UHMK1: variants seen among roughly 807,000 people sequenced by gnomAD.
UHMK1 encodes the protein serine/threonine-protein kinase Kist.
A neutral mutation model predicts 44.0 loss-of-function variants in UHMK1; 18 were observed. The ratio of observed to expected loss-of-function variants is 0.41; its 90% CI spans 0.28 to 0.61. UHMK1 has a LOEUF of 0.61. UHMK1 is among the 20% of genes least tolerant of loss of function. The pLI, the probability that UHMK1 is intolerant of heterozygous loss-of-function variation, is 0.31. For missense variants in UHMK1, 463 were observed against 522.5 expected (o/e 0.89, Z 1.11); for synonymous variants, 231 against 198.5 (o/e 1.16, Z -1.38).
At chr1:162,505,368 T>G (rs553968000) in intron 4 of UHMK1, among the ~76,000 whole-genome samples, 1 of 152,272 alleles carries the variant, frequency 6.6e-6, no homozygotes, top group Non-Finnish European at 1.5e-5. Context: ...GAGACTATTT[T>G]ACAGTCAACT....
chr1:162,519,765 G>T (rs1181789840), intron 7 of UHMK1, among the ~76,000 whole-genome samples: 1 of 152,104 alleles, frequency 6.6e-6, no homozygotes, highest in Non-Finnish European at 1.5e-5. Flanking sequence ...TTTTGTTGGA[G>T]TAGCTGTCCT....
rs1652258718 is a variant in UHMK1 at position 162,526,536 on chromosome 1, T to C, written c.*3986T>C. On this transcript the variant is annotated 3_prime_UTR_variant, in exon 8 of 8. Transcript: ENST00000489294. The stretch of plus-strand genomic sequence containing the variant: ...TGTGTTTGCTGGAAAATATTAAAAC[T>C]CATTTGGGTGAAAGCTTCCCAGATG... 1 of 152,124 alleles carries C rather than the reference T, an allele frequency of 6.6e-6. No individual in the cohort carries two copies. Among genetic ancestry groups the C allele is most frequent in the South Asian group, 2.1e-4 (1 of 4,832 alleles). 9.4% of individuals were successfully genotyped at this position (152,124 alleles called of 1,614,324 possible). A position where few individuals can be genotyped will look rare whatever the true frequency, so the allele number is the denominator to read the frequency against.
intron 4 of UHMK1, among the ~76,000 whole-genome samples, chr1:162,505,583 G>A (rs1404076747): frequency 6.6e-6 from 1 of 152,204 alleles, no homozygotes; most frequent in Non-Finnish European, 1.5e-5. Flanking sequence ...TAGCTACGAT[G>A]TCGCTAGGCG....
chr1:162,516,459 G>A (rs1198148389), intron 6 of UHMK1, among the ~76,000 whole-genome samples: 1 of 152,098 alleles, frequency 6.6e-6, no homozygotes, highest in Non-Finnish European at 1.5e-5. Flanking sequence ...AAAAGAAAGG[G>A]ATGAGGGAAG....
Position 162,514,247 on chromosome 1 carries a change from C to T in UHMK1, c.1024+1424C>T, listed in dbSNP as rs547211506. Among the ~76,000 whole-genome samples the T allele has an allele frequency of 2.6e-5, 4 of 151,524 alleles. No homozygotes were observed. The South Asian group carries it at 8.3e-4, about 32-fold the overall frequency. Reference sequence around the variant, plus strand: ...GAGGTTGCAGTGACCCGAGATTGCACCACTGCACTCCAGCCTGGGCAACAG... The same window carrying T: ...GAGGTTGCAGTGACCCGAGATTGCATCACTGCACTCCAGCCTGGGCAACAG... On this transcript the variant is annotated intron_variant, in intron 6 of 7. Transcript: ENST00000489294.
chr1:162,516,963 A>G (rs1446046035), intron 6 of UHMK1, among the ~76,000 whole-genome samples: 2 of 152,228 alleles, frequency 1.3e-5, no homozygotes, highest in East Asian at 1.9e-4. Flanking sequence ...ATTTATGTCA[A>G]TTTTGACCCA....
rs2101666212 is a variant in UHMK1 at position 162,498,060 on chromosome 1, G to A, written c.60G>A (p.Gly20=). 1.9e-6 allele frequency: 3 copies of A among 1,605,276 alleles called. 1 individual carries two copies. In the South Asian group the frequency reaches 3.3e-5, roughly 18 times the overall value. The change falls in exon 1 of 8, where the codon GGG becomes GGA. Residue 20 remains glycine, a synonymous_variant. Coordinates refer to ENST00000489294, the MANE Select transcript of UHMK1 (RefSeq NM_175866.5). ...CGCCGCGTTTTCTGGAGGCCTTCGG[G>A]CGGCTGTGGCAGGTACAGAGCCGTC... ...AEPPRFLEAF[G]RLWQVQSRLG...
Position 162,512,827 on chromosome 1 carries a change from A to G in UHMK1, c.1024+4A>G. 1 of 1,612,640 alleles carries G rather than the reference A, an allele frequency of 6.2e-7. No homozygotes were observed. Among genetic ancestry groups the G allele is most frequent in the Non-Finnish European group, 8.5e-7 (1 of 1,178,778 alleles). ...GAGAATGAAGAGGAATATGAAGGTT[A>G]GTGTTTTCTAAATTATATTTTAATG... On this transcript the variant is annotated splice_donor_region_variant and intron_variant, in intron 6 of 7. Coordinates refer to ENST00000489294, the MANE Select transcript of UHMK1 (RefSeq NM_175866.5).
At position 162,528,846 on chromosome 1, in the gene UHMK1, A is replaced by G. The variant is rs535418015; in HGVS notation, c.*6296A>G. 4.6e-5 allele frequency: 7 copies of G among 152,086 alleles called. No homozygotes were observed. Among genetic ancestry groups the G allele is most frequent in the African/African-American group, 1.7e-4 (7 of 41,526 alleles). 9.4% of individuals were successfully genotyped at this position (152,086 alleles called of 1,614,324 possible). On this transcript the variant is annotated 3_prime_UTR_variant, in exon 8 of 8. Transcript: ENST00000489294. ...TCAAAACTGGGGTAGAAGGGATTTT[A>G]TTTTTTCCCAAAAGGGTTCCATCTT...
chr1:162,511,771 C>G (rs10800578), intron 4 of UHMK1, among the ~76,000 whole-genome samples: 69,411 of 151,924 alleles, frequency 0.46, 15,890 homozygotes, highest in East Asian at 0.47. Context: ...TTGTGTAGGT[C>G]AGAGATAAGG....
chr1:162,498,593 T>C (rs947657233), intron 1 of UHMK1, among the ~76,000 whole-genome samples: 2 of 152,232 alleles, frequency 1.3e-5, no homozygotes, highest in Non-Finnish European at 2.9e-5. Context: ...TGTCGTGTCT[T>C]GTGTGGAAAT....
At chr1:162,519,187 A>G (rs1343739947) in intron 7 of UHMK1, among the ~76,000 whole-genome samples, 1 of 151,910 alleles carries the variant, frequency 6.6e-6, no homozygotes, top group African/African-American at 2.4e-5. Flanking sequence ...ATGTGGTGGC[A>G]GGTGCCTATA....
chr1:162,516,488 A>G (rs1651839244), intron 6 of UHMK1, among the ~76,000 whole-genome samples: 1 of 152,220 alleles, frequency 6.6e-6, no homozygotes, highest in African/African-American at 2.4e-5. Flanking sequence ...GCAGGTAGGA[A>G]GGAGATACTT....
At position 162,522,403 on chromosome 1, in the gene UHMK1, G is replaced by A. The variant is rs1652090013; in HGVS notation, c.1114-1G>A. 3 of 1,613,952 alleles carry A rather than the reference G, an allele frequency of 1.9e-6. No homozygotes were observed. The highest frequency in any genetic ancestry group is 2.5e-6 in the Non-Finnish European group (3 of 1,179,968). ...ATGTTTTTTTCTCTGTCTTCTTTCA[G>A]GTCTTTGTTGAGTATGCAAATGCTG... On this transcript the variant is annotated splice_acceptor_variant, in intron 7 of 7. Coordinates refer to ENST00000489294, the MANE Select transcript of UHMK1 (RefSeq NM_175866.5). LOFTEE classifies it high-confidence loss of function.
At position 162,501,076 on chromosome 1, in the gene UHMK1, AACAT is replaced by A; in HGVS notation, c.729_732del (p.His243GlnfsTer25). The A allele has an allele frequency of 6.2e-7, 1 of 1,614,110 alleles. No individual in the cohort carries two copies. The highest frequency in any genetic ancestry group is 1.1e-5 in the South Asian group (1 of 91,082). Reference sequence around the variant, plus strand: ...GAAATGTTCTCAGGAATGAAACTGAAACATACAGTCAGATCTCAGGAATGGAAGG... The same window carrying A: ...GAAATGTTCTCAGGAATGAAACTGAAACAGTCAGATCTCAGGAATGGAAGG... On this transcript the variant is annotated frameshift_variant, in exon 3 of 8. Coordinates refer to ENST00000489294, the MANE Select transcript of UHMK1 (RefSeq NM_175866.5). LOFTEE classifies it high-confidence loss of function.
Position 162,500,948 on chromosome 1 carries a change from T to C in UHMK1, c.597T>C (p.Ala199=). 1 of 1,614,118 alleles carries C rather than the reference T, an allele frequency of 6.2e-7. No individual in the cohort carries two copies. Among genetic ancestry groups the C allele is most frequent in the Non-Finnish European group, 8.5e-7 (1 of 1,180,010 alleles). ...VKYIQTDGYR[A]PEAELQNCLA... is the part of the protein sequence containing the mutation. ...ATATTCAGACAGACGGGTATCGGGC[T>C]CCAGAAGCAGAATTGCAAAATTGCT... is the stretch of plus-strand genomic sequence containing the variant. Residue 199 remains alanine (A), a synonymous_variant, in exon 3 of 8, where the codon GCT becomes GCC. Coordinates refer to ENST00000489294, the MANE Select transcript of UHMK1 (RefSeq NM_175866.5).
In UHMK1 at chr1:162,498,088, G is replaced by C; in HGVS notation, c.88G>C (p.Gly30Arg). 6.2e-7 allele frequency: 1 copy of C among 1,612,090 alleles called. No individual in the cohort carries two copies. Among genetic ancestry groups the C allele is most frequent in the Non-Finnish European group, 8.5e-7 (1 of 1,179,682 alleles). The change falls in exon 1 of 8, where the codon GGT becomes CGT. Residue 30 changes from glycine to arginine, a missense_variant. This residue lies in a region of UHMK1 where 191 missense variants were observed against 176.0 expected (regional missense o/e 1.09). Transcript: ENST00000489294. ...GCTGTGGCAGGTACAGAGCCGTCTG[G>C]GTAGCGGCTCCTCCGCCTCGGTGTA... The part of the protein sequence containing the change: ...GRLWQVQSRL[G>R]SGSSASVYRV...
At chr1:162,515,753 G>A (rs1651811849) in intron 6 of UHMK1, among the ~76,000 whole-genome samples, 1 of 152,094 alleles carries the variant, frequency 6.6e-6, no homozygotes, top group Non-Finnish European at 1.5e-5. Flanking sequence ...ACTGAAGCTT[G>A]GCCGGGCGTG....
chr1:162,500,259 C>T lies in UHMK1; in HGVS notation c.561+12C>T, dbSNP rs1651218681. 1 of 1,599,840 alleles carries T rather than the reference C, an allele frequency of 6.3e-7. No individual in the cohort carries two copies. The highest frequency in any genetic ancestry group is 1.1e-5 in the South Asian group (1 of 89,618). On this transcript the variant is annotated intron_variant, in intron 2 of 7. Transcript: ENST00000489294. ...AAGAAGGCAATCAGGTAAGAAATAA[C>T]CTTTTCTTTTCTCTCGCAGTTTAAA...
Sources: allele counts gnomAD v4.1 joint callset (sites outside exome capture counted in the v4.1 genomes callset), GRCh38; gene constraint gnomAD v4.1.1; regional missense constraint gnomAD v4.1.1; transcripts MANE v1.5; gene names NCBI Gene and HGNC (gene_info 2026-07-23, HGNC 2026-07-21).